Variants in KCNT2 observed in about 807,000 individuals in gnomAD.
KCNT2 encodes potassium sodium-activated channel subfamily T member 2, also known as potassium channel subfamily T member 2.
A neutral mutation model predicts 153.8 loss-of-function variants in KCNT2; 67 were observed. That is an observed-to-expected ratio of 0.44 (90% CI 0.36 to 0.53). The LOEUF (loss-of-function observed/expected upper bound fraction) is 0.53. KCNT2 is among the 20% of genes least tolerant of loss of function. The probability of loss-of-function intolerance (pLI) is 0.00; values close to 1 mark genes in which losing one functional copy is unlikely to be tolerated. For missense variants in KCNT2, 975 were observed against 1,354.8 expected, an observed-to-expected ratio of 0.72 and a Z score of 4.40; for synonymous variants, 500 against 458.8, an observed-to-expected ratio of 1.09 and a Z score of -1.15.
intron 1 of KCNT2, among the ~76,000 whole-genome samples, chr1:196,549,422 T>C (rs1183065422): frequency 6.6e-6 from 1 of 152,012 alleles, no homozygotes; most frequent in East Asian, 1.9e-4. Flanking sequence ...TTATTATGTG[T>C]TATGTATTAT....
intron 25 of KCNT2, chr1:196,259,438 T>G (rs1656808429): frequency 6.6e-6 from 1 of 152,098 alleles, no homozygotes; most frequent in African/African-American, 2.4e-5. Context: ...AACATGCACA[T>G]GCAAATGAAC....
intron 27 of KCNT2, among the ~76,000 whole-genome samples, chr1:196,229,826 A>T (rs1346022013): frequency 6.6e-6 from 1 of 152,094 alleles, no homozygotes; most frequent in East Asian, 1.9e-4. Context: ...CCAAATCCAG[A>T]GCAATGCTCT....
intron 1 of KCNT2, among the ~76,000 whole-genome samples, chr1:196,593,572 G>T (rs1358647149): frequency 2.6e-5 from 4 of 151,700 alleles, no homozygotes; most frequent in African/African-American, 4.8e-5. Flanking sequence ...TAACAGAAAG[G>T]ATAAATGCTT....
intron 26 of KCNT2, among the ~76,000 whole-genome samples, chr1:196,248,420 G>A (rs1179098825): frequency 6.6e-6 from 1 of 151,780 alleles, no homozygotes; most frequent in African/African-American, 2.4e-5. Flanking sequence ...GAAAAAAAGA[G>A]GAAACACCCA....
intron 1 of KCNT2, among the ~76,000 whole-genome samples, chr1:196,588,209 G>A (rs746951834): frequency 1.3e-5 from 2 of 151,446 alleles, no homozygotes; most frequent in African/African-American, 2.4e-5. Context: ...ATAAACATTT[G>A]ACTTGTAATA....
chr1:196,580,730 G>A (rs912284796), intron 1 of KCNT2, among the ~76,000 whole-genome samples: 3 of 152,094 alleles, frequency 2.0e-5, no homozygotes, highest in Admixed American at 1.3e-4. Context: ...TAGTTAGACT[G>A]CTAAATCCTT....
rs191104707 is a variant in KCNT2, at chr1:196,309,866, T to A, written c.2484-4521A>T. Among the ~76,000 whole-genome samples the A allele has an allele frequency of 8.6e-5, 13 of 151,900 alleles. No individual in the cohort carries two copies. The East Asian group carries it at 2.5e-3, about 30-fold the overall frequency. ...GGGCACTAGAAACATAATAGAGCAA[T>A]ACTGTAATTAAAAAAAGAAGATATA... On this transcript the variant is annotated intron_variant, in intron 21 of 27. Coordinates refer to ENST00000294725, the MANE Select transcript of KCNT2 (RefSeq NM_198503.5).
intron 1 of KCNT2, among the ~76,000 whole-genome samples, chr1:196,497,065 A>G (rs1448545025): frequency 6.6e-6 from 1 of 152,240 alleles, no homozygotes; most frequent in Non-Finnish European, 1.5e-5. Flanking sequence ...TTGGGGGGAA[A>G]AAAGTCAAAT....
chr1:196,292,521 AAGTGGCCGGGCGC>A (rs1273662523), intron 22 of KCNT2, among the ~76,000 whole-genome samples: 1 of 152,108 alleles, frequency 6.6e-6, no homozygotes, highest in Non-Finnish European at 1.5e-5. Flanking sequence ...TAGAAAAAGG[AAGTGGCCGGGCGC>A]AGTGGCTCAC....
At position 196,386,470 on chromosome 1, in the gene KCNT2, A is replaced by G. The variant is rs370935947; in HGVS notation, c.1294+12093T>C. Among the ~76,000 whole-genome samples the G allele has an allele frequency of 4.3e-4, 66 of 152,298 alleles. 1 individual carries two copies. In the East Asian group the frequency reaches 0.013, roughly 29 times the overall value. ...GTAGCCCTTGCACAGGAAGCACTACATGTGTTGACTACCACTATTATTATA... is the reference window on the plus strand; with the variant it reads ...GTAGCCCTTGCACAGGAAGCACTACGTGTGTTGACTACCACTATTATTATA... On this transcript the variant is annotated intron_variant, in intron 13 of 27. Transcript: ENST00000294725.
chr1:196,279,851 C>G (rs775219435), intron 25 of KCNT2, among the ~76,000 whole-genome samples: 1 of 151,902 alleles, frequency 6.6e-6, no homozygotes, highest in Admixed American at 6.6e-5. Flanking sequence ...TCAGCAACAA[C>G]AAAAATCTAC....
intron 1 of KCNT2, among the ~76,000 whole-genome samples, chr1:196,499,263 T>C (rs995851465): frequency 6.6e-6 from 1 of 152,192 alleles, no homozygotes; most frequent in Non-Finnish European, 1.5e-5. Flanking sequence ...GTCAATAAAC[T>C]TCTATTGTTT....
intron 5 of KCNT2, among the ~76,000 whole-genome samples, chr1:196,473,265 A>G (rs181676521): frequency 1.3e-5 from 2 of 151,828 alleles, no homozygotes; most frequent in Non-Finnish European, 2.9e-5. Flanking sequence ...GCAGGATCTG[A>G]CCCCCACATT....
chr1:196,231,173 T>C (rs189954282), intron 27 of KCNT2, among the ~76,000 whole-genome samples: 4 of 152,046 alleles, frequency 2.6e-5, no homozygotes, highest in Admixed American at 2.6e-4. Flanking sequence ...AGCATTTTTT[T>C]TTTAGCAATA....
intron 26 of KCNT2, among the ~76,000 whole-genome samples, chr1:196,253,977 T>A (rs1052641004): frequency 1.3e-5 from 2 of 151,478 alleles, no homozygotes; most frequent in African/African-American, 4.8e-5. Flanking sequence ...TGGTGAGAAA[T>A]TATGCAAAAT....
intron 16 of KCNT2, 69 bp downstream of exon 16, chr1:196,340,272 C>T (rs1030723276): frequency 2.1e-6 from 2 of 943,054 alleles, no homozygotes; most frequent in Non-Finnish European, 3.1e-6. Flanking sequence ...AATTTAAATG[C>T]ATTGGTATTT....
intron 1 of KCNT2, among the ~76,000 whole-genome samples, chr1:196,583,433 A>G (rs1357386602): frequency 6.6e-6 from 1 of 152,128 alleles, no homozygotes; most frequent in African/African-American, 2.4e-5. Flanking sequence ...AAAGCAGTCT[A>G]TATAGTTTTA....
At chr1:196,541,315 T>G (rs530484160) in intron 1 of KCNT2, among the ~76,000 whole-genome samples, 99 of 152,118 alleles carry the variant, frequency 6.5e-4, no homozygotes, top group Middle Eastern at 3.4e-3. Flanking sequence ...AACCCAACAA[T>G]ATAACTTGCT....
At chr1:196,595,565 A>T (rs915794388) in intron 1 of KCNT2, among the ~76,000 whole-genome samples, 1 of 152,200 alleles carries the variant, frequency 6.6e-6, no homozygotes, top group African/African-American at 2.4e-5. Flanking sequence ...ACATAACTTA[A>T]TCATACCCTC....
Sources: allele counts gnomAD v4.1 joint callset (sites outside exome capture counted in the v4.1 genomes callset), GRCh38; gene constraint gnomAD v4.1.1; transcripts MANE v1.5; gene names NCBI Gene and HGNC (gene_info 2026-07-23, HGNC 2026-07-21).